The following AGBL4 variants were observed in gnomAD, a reference collection of about 807,000 sequenced individuals.
The protein encoded by AGBL4 is cytosolic carboxypeptidase 6.
AGBL4 carries 58 observed loss-of-function variants against 66.4 expected under a neutral mutation model. That is an observed-to-expected ratio of 0.87 (90% CI 0.71 to 1.09). The LOEUF (loss-of-function observed/expected upper bound fraction) is 1.09. Among genes scored for constraint, AGBL4 ranks in the 50% least tolerant of loss-of-function variants. The probability of loss-of-function intolerance (pLI) is 0.00; values close to 1 mark genes in which losing one functional copy is unlikely to be tolerated. For synonymous variants in AGBL4, 234 were observed against 222.9 expected, an observed-to-expected ratio of 1.05 and a Z score of -0.44; for missense variants, 579 against 631.0, an observed-to-expected ratio of 0.92 and a Z score of 0.88.
At chr1:49,302,343 C>G (rs1470209820) in intron 3 of AGBL4, among the ~76,000 whole-genome samples, 1 of 151,844 alleles carries the variant, frequency 6.6e-6, no homozygotes, top group East Asian at 1.9e-4. Flanking sequence ...ACCTCTGCCT[C>G]CCAGGTTGAA....
chr1:49,896,282 G>C (rs1649193778), intron 1 of AGBL4, among the ~76,000 whole-genome samples: 1 of 151,996 alleles, frequency 6.6e-6, no homozygotes, highest in Non-Finnish European at 1.5e-5. Flanking sequence ...TAAAATAATA[G>C]CTGGAGACAT....
chr1:49,753,252 C>T (rs149405455), intron 2 of AGBL4, among the ~76,000 whole-genome samples: 6 of 152,210 alleles, frequency 3.9e-5, no homozygotes, highest in East Asian at 1.9e-4. Flanking sequence ...AGCTCTTGCA[C>T]GGGCAAGGCT....
At chr1:49,719,569 C>T (rs1262745492) in intron 2 of AGBL4, among the ~76,000 whole-genome samples, 1 of 152,074 alleles carries the variant, frequency 6.6e-6, no homozygotes, top group Non-Finnish European at 1.5e-5. Flanking sequence ...CCTTGCGTCA[C>T]TGTATTGTGG....
intron 5 of AGBL4, among the ~76,000 whole-genome samples, chr1:48,972,599 A>T (rs1235403337): frequency 6.6e-6 from 1 of 152,118 alleles, no homozygotes. Flanking sequence ...CGTAGCTAGA[A>T]TCTGATTCAT....
intron 3 of AGBL4, among the ~76,000 whole-genome samples, chr1:49,275,836 T>C (rs1644156528): frequency 6.6e-6 from 1 of 152,172 alleles, no homozygotes; most frequent in Admixed American, 6.6e-5. Context: ...CCCTATAAAC[T>C]AAAGTTAAAC....
At chr1:49,488,716 G>A (rs543281732) in intron 3 of AGBL4, among the ~76,000 whole-genome samples, 1 of 151,120 alleles carries the variant, frequency 6.6e-6, no homozygotes, top group African/African-American at 2.4e-5. Context: ...CTTTTCCTGT[G>A]GTTATCTTCT....
intron 4 of AGBL4, among the ~76,000 whole-genome samples, chr1:49,112,671 G>C (rs1371391705): frequency 6.6e-6 from 1 of 152,096 alleles, no homozygotes; most frequent in Non-Finnish European, 1.5e-5. Context: ...ATTTTCACTG[G>C]GGGTAGATTC....
intron 3 of AGBL4, among the ~76,000 whole-genome samples, chr1:49,626,877 T>G (rs950428976): frequency 6.6e-6 from 1 of 152,186 alleles, no homozygotes; most frequent in African/African-American, 2.4e-5. Flanking sequence ...ACTGGGTTAT[T>G]TAGTGCCTCT....
At position 49,583,195 on chromosome 1, in the gene AGBL4, A is replaced by G. The variant is rs144093833; in HGVS notation, c.282+114118T>C. ...TTGATGGGCTCCTGGATAGCTTCAG[A>G]ATAAAGGCTGCTTACCAGCTTAACA... is the stretch of plus-strand genomic sequence containing the variant. On this transcript the variant is annotated intron_variant, in intron 3 of 13. Coordinates refer to ENST00000371839, the MANE Select transcript of AGBL4 (RefSeq NM_032785.4). 1.9e-3 allele frequency among the ~76,000 whole-genome samples: 284 copies of G among 152,268 alleles called. 2 individuals carry two copies. Among genetic ancestry groups the G allele is most frequent in the African/African-American group, 6.5e-3 (269 of 41,558 alleles).
At chr1:48,853,569 T>C (rs1647079107) in intron 6 of AGBL4, among the ~76,000 whole-genome samples, 1 of 152,222 alleles carries the variant, frequency 6.6e-6, no homozygotes, top group South Asian at 2.1e-4. Flanking sequence ...TGCTTTTTTA[T>C]AAACGGTAAA....
At chr1:49,632,818 T>C (rs904189171) in intron 3 of AGBL4, among the ~76,000 whole-genome samples, 18 of 115,004 alleles carry the variant, frequency 1.6e-4, no homozygotes, top group African/African-American at 1.5e-4. Flanking sequence ...TTGCTCATCA[T>C]TGGCCACACT....
At chr1:49,248,870 A>G (rs1222858772) in intron 3 of AGBL4, among the ~76,000 whole-genome samples, 3 of 152,080 alleles carry the variant, frequency 2.0e-5, no homozygotes, top group African/African-American at 7.2e-5. Context: ...TTAAATTTTT[A>G]ACCTGAGCTT....
At chr1:49,731,252 T>G (rs1378782755) in intron 2 of AGBL4, among the ~76,000 whole-genome samples, 1 of 152,170 alleles carries the variant, frequency 6.6e-6, no homozygotes, top group Non-Finnish European at 1.5e-5. Context: ...TCAACCCCAG[T>G]ATGGCAAATA....
chr1:48,523,504 G>C, the AGBL4 span, among the ~76,000 whole-genome samples: 10 of 152,290 alleles, frequency 6.6e-5, no homozygotes, highest in South Asian at 2.1e-3. Context: ...AGCTGAATTA[G>C]GCTTAAATCC....
intron 11 of AGBL4, among the ~76,000 whole-genome samples, chr1:48,557,333 C>T (rs574129057): frequency 1.3e-3 from 197 of 152,178 alleles, no homozygotes; most frequent in Middle Eastern, 6.8e-3. Flanking sequence ...GAGGTCATTT[C>T]CTAGAGATTA....
At chr1:49,937,396 C>CT (rs1654189895) in intron 1 of AGBL4, among the ~76,000 whole-genome samples, 1 of 151,990 alleles carries the variant, frequency 6.6e-6, no homozygotes, top group Non-Finnish European at 1.5e-5. Flanking sequence ...TAATGGGAGA[C>CT]TTTAACACCC....
intron 6 of AGBL4, among the ~76,000 whole-genome samples, chr1:48,865,554 AT>A (rs927744782): frequency 2.6e-5 from 4 of 151,446 alleles, no homozygotes; most frequent in African/African-American, 7.3e-5. Context: ...GGCAGTGCTG[AT>A]TTTTTTTTCA....
At chr1:48,884,832 A>G (rs2148847512) in intron 5 of AGBL4, among the ~76,000 whole-genome samples, 1 of 152,296 alleles carries the variant, frequency 6.6e-6, no homozygotes, top group African/African-American at 2.4e-5. Context: ...CACTGGCTCC[A>G]GTGCTCCAGT....
rs373757784 is a variant in AGBL4 at position 49,902,494 on chromosome 1, A to C, written c.35-50976T>G. Among the ~76,000 whole-genome samples the C allele has an allele frequency of 2.6e-5, 4 of 152,328 alleles. No homozygotes were observed. The East Asian group carries it at 5.8e-4, about 22-fold the overall frequency. On this transcript the variant is annotated intron_variant, in intron 1 of 13. Coordinates refer to ENST00000371839, the MANE Select transcript of AGBL4 (RefSeq NM_032785.4). ...CCGGGTGTGGTGGCTCACGCCTGTA[A>C]TCTCAGCACTTTGGGAGGCCAAGAT...
Sources: gnomAD v4.1 joint callset for allele counts (sites outside exome capture counted in the v4.1 genomes callset) on GRCh38, gnomAD v4.1.1 for gene constraint, MANE v1.5 for transcripts, NCBI Gene and HGNC (gene_info 2026-07-23, HGNC 2026-07-21) for gene names.